ADK: variants seen among roughly 807,000 people sequenced by gnomAD.
The protein encoded by ADK is adenosine kinase, also known as N6,N6-dimethyladenosine kinase.
In ADK, 24 loss-of-function variants were observed where a neutral mutation model predicts 44.7. The ratio of observed to expected loss-of-function variants is 0.54; its 90% CI spans 0.39 to 0.76. ADK has a LOEUF of 0.76. Among genes scored for constraint, ADK ranks in the 30% least tolerant of loss-of-function variants. The probability of loss-of-function intolerance (pLI) is 0.00; values close to 1 mark genes in which losing one functional copy is unlikely to be tolerated. For missense variants in ADK, 321 were observed against 425.1 expected, an observed-to-expected ratio of 0.76 and a Z score of 2.15; for synonymous variants, 128 against 142.6, an observed-to-expected ratio of 0.90 and a Z score of 0.73.
At chr10:74,586,903 A>G (rs911670465) in intron 7 of ADK, among the ~76,000 whole-genome samples, 2 of 150,522 alleles carry the variant, frequency 1.3e-5, no homozygotes, top group African/African-American at 4.9e-5. Flanking sequence ...ACACATATTT[A>G]TATACACATA....
At chr10:74,493,095 T>C (rs1847545344) in intron 6 of ADK, among the ~76,000 whole-genome samples, 1 of 152,202 alleles carries the variant, frequency 6.6e-6, no homozygotes, top group South Asian at 2.1e-4. Flanking sequence ...TCAATTTTTA[T>C]ATCTGTAAAA....
chr10:74,153,796 T>C (rs1841678082), intron 1 of ADK, among the ~76,000 whole-genome samples: 1 of 152,222 alleles, frequency 6.6e-6, no homozygotes, highest in South Asian at 2.1e-4. Context: ...TTTCTCTCCT[T>C]TGGAAATCTC....
At chr10:74,397,158 G>A (rs1210205613) in intron 5 of ADK, among the ~76,000 whole-genome samples, 1 of 151,842 alleles carries the variant, frequency 6.6e-6, no homozygotes, top group Non-Finnish European at 1.5e-5. Context: ...ATTTTCTTAA[G>A]TTTGTAATAT....
intron 6 of ADK, among the ~76,000 whole-genome samples, chr10:74,435,309 G>A (rs775391670): frequency 1.4e-4 from 21 of 152,098 alleles, no homozygotes; most frequent in Non-Finnish European, 2.1e-4. Flanking sequence ...TAGATATTAT[G>A]TAACTTGAGC....
At chr10:74,255,028 C>G (rs1845777260) in intron 3 of ADK, among the ~76,000 whole-genome samples, 1 of 152,026 alleles carries the variant, frequency 6.6e-6, no homozygotes, top group Non-Finnish European at 1.5e-5. Flanking sequence ...AAATATTAAA[C>G]AGCCTATTTT....
intron 3 of ADK, among the ~76,000 whole-genome samples, chr10:74,307,261 G>A (rs1052427607): frequency 1.3e-5 from 2 of 152,142 alleles, no homozygotes; most frequent in Admixed American, 1.3e-4. Flanking sequence ...AACTATTTTG[G>A]TTAACCTCTT....
intron 1 of ADK, among the ~76,000 whole-genome samples, chr10:74,197,571 G>C (rs1314639629): frequency 6.6e-6 from 1 of 151,974 alleles, no homozygotes; most frequent in Non-Finnish European, 1.5e-5. Flanking sequence ...GTGGTGGTGG[G>C]CACCTGTAAT....
At chr10:74,164,868 G>C (rs1841996068) in intron 1 of ADK, among the ~76,000 whole-genome samples, 1 of 152,292 alleles carries the variant, frequency 6.6e-6, no homozygotes, top group Middle Eastern at 3.4e-3. Flanking sequence ...AGACGTGTTA[G>C]TTTCTTGTAG....
chr10:74,300,745 A>G (rs1271817308), intron 3 of ADK, among the ~76,000 whole-genome samples: 1 of 152,202 alleles, frequency 6.6e-6, no homozygotes, highest in Non-Finnish European at 1.5e-5. Flanking sequence ...TGGTAAAGTT[A>G]TTTGACAGCA....
At chr10:74,353,181 A>G (rs1384829524) in intron 4 of ADK, among the ~76,000 whole-genome samples, 1 of 151,982 alleles carries the variant, frequency 6.6e-6, no homozygotes, top group Non-Finnish European at 1.5e-5. Flanking sequence ...CGTCAATGAT[A>G]GATAGAGAAA....
chr10:74,274,748 A>ATATATATATATATATATATT (rs1846600422), intron 3 of ADK, among the ~76,000 whole-genome samples: 1 of 90,538 alleles, frequency 1.1e-5, no homozygotes, highest in Non-Finnish European at 2.6e-5. Context: ...ATATATATAT[A>ATATATATATATATATATATT]CACACACACA....
At chr10:74,666,148 T>C (rs541626855) in intron 9 of ADK, among the ~76,000 whole-genome samples, 4 of 152,356 alleles carry the variant, frequency 2.6e-5, no homozygotes, top group African/African-American at 9.6e-5. Context: ...TGACTTTCAT[T>C]ATTGATGCAT....
At chr10:74,430,799 T>C (rs1331286304) in intron 6 of ADK, among the ~76,000 whole-genome samples, 1 of 151,708 alleles carries the variant, frequency 6.6e-6, no homozygotes, top group East Asian at 1.9e-4. Flanking sequence ...GGAAAGCACA[T>C]TTCAAGCAGA....
chr10:74,389,342 C>T (rs975295962), intron 4 of ADK, among the ~76,000 whole-genome samples: 1 of 152,046 alleles, frequency 6.6e-6, no homozygotes, highest in African/African-American at 2.4e-5. Context: ...TATTCCCTGG[C>T]AGACATGCAT....
intron 6 of ADK, among the ~76,000 whole-genome samples, chr10:74,474,311 G>A (rs1165014801): frequency 1.3e-5 from 2 of 151,908 alleles, no homozygotes; most frequent in East Asian, 1.9e-4. Flanking sequence ...CTGTGTTACC[G>A]AGCCTAGTCT....
chr10:74,372,334 C>G, intron 4 of ADK: 1 of 750,326 alleles, frequency 1.3e-6, no homozygotes, highest in Admixed American at 1.7e-5. Flanking sequence ...GACTGGAGTG[C>G]TGAGCCTGCC....
chr10:74,353,471 C>G (rs1233094682), intron 4 of ADK, among the ~76,000 whole-genome samples: 4 of 150,632 alleles, frequency 2.7e-5, no homozygotes, highest in Admixed American at 2.0e-4. Flanking sequence ...GAGCTTAAAA[C>G]TTAGATGATG....
In ADK at chr10:74,584,671, A is replaced by C. The variant is rs569749106; in HGVS notation, c.727-4611A>C. ...TTATAGTATTATTGAGTCAAAGTCT[A>C]ATATCATTATAAGGCCTGTAACAGC... On this transcript the variant is annotated intron_variant, in intron 7 of 10. Transcript: ENST00000539909. Among the ~76,000 whole-genome samples, 46 of 152,304 alleles carry C rather than the reference A, an allele frequency of 3.0e-4. No individual in the cohort carries two copies. The Middle Eastern group carries it at 0.017, about 56-fold the overall frequency.
At chr10:74,589,547 T>G (rs1589276291) in intron 8 of ADK, among the ~76,000 whole-genome samples, 1 of 152,108 alleles carries the variant, frequency 6.6e-6, no homozygotes, top group African/African-American at 2.4e-5. Context: ...TATTGAATTT[T>G]GAAAAGCCTC....
Sources: allele counts gnomAD v4.1 joint callset (sites outside exome capture counted in the v4.1 genomes callset), GRCh38; gene constraint gnomAD v4.1.1; transcripts MANE v1.5; gene names NCBI Gene and HGNC (gene_info 2026-07-23, HGNC 2026-07-21).